ANKRD27: variants seen among roughly 807,000 people sequenced by gnomAD.
ANKRD27 encodes the protein ankyrin repeat domain 27.
A neutral mutation model predicts 129.7 loss-of-function variants in ANKRD27; 112 were observed. That is an observed-to-expected ratio of 0.86 (90% CI 0.74 to 1.01). The LOEUF (loss-of-function observed/expected upper bound fraction) is 1.01. Among genes scored for constraint, ANKRD27 ranks in the 50% least tolerant of loss-of-function variants. The pLI is 0.00. For synonymous variants in ANKRD27, 516 were observed against 511.2 expected, an observed-to-expected ratio of 1.01 and a Z score of -0.13; for missense variants, 1,258 against 1,300.5, an observed-to-expected ratio of 0.97 and a Z score of 0.50.
At chr19:32,660,332 C>A (rs1476508961) in intron 1 of ANKRD27, among the ~76,000 whole-genome samples, 2 of 152,154 alleles carry the variant, frequency 1.3e-5, no homozygotes, top group Admixed American at 1.3e-4. Flanking sequence ...CACCTGAGGT[C>A]AGGAGTTCAA....
At chr19:32,615,167 C>T (rs891328399) in intron 22 of ANKRD27, among the ~76,000 whole-genome samples, 23 of 152,330 alleles carry the variant, frequency 1.5e-4, no homozygotes, top group African/African-American at 4.1e-4. Flanking sequence ...TTACCTGCCA[C>T]GCAGGGAGCT....
chr19:32,628,647 G>A, intron 14 of ANKRD27, 75 bp downstream of exon 14: 1 of 1,583,604 alleles, frequency 6.3e-7, no homozygotes, highest in South Asian at 1.1e-5. Context: ...CAGTCACACA[G>A]CGCACAGTGG....
chr19:32,605,822 A>G lies in ANKRD27; in HGVS notation c.2493+13T>C, dbSNP rs1277925781. ...CGCAGGTGTGTAGAATGAGGACAGG[A>G]AGGGGCCCTCACCTGTAGCAGCAGT... On this transcript the variant is annotated intron_variant, in intron 24 of 28. Transcript: ENST00000306065. 1 of 1,612,106 alleles carries G rather than the reference A, an allele frequency of 6.2e-7. No homozygotes were observed. Among genetic ancestry groups the G allele is most frequent in the African/African-American group, 1.3e-5 (1 of 74,430 alleles).
chr19:32,655,655 A>T (rs1967504294), intron 2 of ANKRD27, among the ~76,000 whole-genome samples: 1 of 151,910 alleles, frequency 6.6e-6, no homozygotes. Context: ...CCAAGGCAGG[A>T]GGATCGCCTG....
At chr19:32,663,504 A>T (rs1354021172) in intron 1 of ANKRD27, among the ~76,000 whole-genome samples, 1 of 152,182 alleles carries the variant, frequency 6.6e-6, no homozygotes, top group East Asian at 1.9e-4. Context: ...ATTTTTGTAC[A>T]TGCTATAAAT....
chr19:32,633,357 G>C (rs57072114), intron 12 of ANKRD27, among the ~76,000 whole-genome samples: 1 of 148,556 alleles, frequency 6.7e-6, no homozygotes, highest in African/African-American at 2.5e-5. Flanking sequence ...TTTTGAGACG[G>C]GGTCTTGCTC....
intron 22 of ANKRD27, among the ~76,000 whole-genome samples, chr19:32,613,445 C>G (rs1217500336): frequency 5.3e-5 from 8 of 152,168 alleles, no homozygotes; most frequent in African/African-American, 1.4e-4. Context: ...GGCACTTATC[C>G]TAGAAAAATG....
chr19:32,662,414 C>T (rs34552729), intron 1 of ANKRD27, among the ~76,000 whole-genome samples: 3,701 of 150,366 alleles, frequency 0.025, 79 homozygotes, highest in East Asian at 0.12. Flanking sequence ...AGAATCGATG[C>T]TGTACAATTT....
chr19:32,639,243 C>T (rs991792346), intron 12 of ANKRD27, 113 bp downstream of exon 12: 5 of 1,308,516 alleles, frequency 3.8e-6, no homozygotes, highest in African/African-American at 1.5e-5. Context: ...CAGCTGAGGC[C>T]CCATTCCTGG....
At chr19:32,605,133 G>A (rs1309030289) in intron 24 of ANKRD27, among the ~76,000 whole-genome samples, 4 of 152,106 alleles carry the variant, frequency 2.6e-5, no homozygotes, top group African/African-American at 9.7e-5. Context: ...CACTTTAGGA[G>A]GCCAGTGCAA....
intron 20 of ANKRD27, among the ~76,000 whole-genome samples, chr19:32,617,929 T>G (rs1327147341): frequency 6.6e-6 from 1 of 152,072 alleles, no homozygotes; most frequent in Non-Finnish European, 1.5e-5. Context: ...TAATTTTTTT[T>G]GTATTTTTAG....
Position 32,639,494 on chromosome 19 carries a change from G to T in ANKRD27, c.984-6C>A. On this transcript the variant is annotated splice_region_variant and splice_polypyrimidine_tract_variant and intron_variant, in intron 11 of 28. Transcript: ENST00000306065. Reference sequence around the variant, plus strand: ...TGTAACTCAAATTTGCCATCCTAATGAAAGGAAGAAAAAAGTTATGTTGTT... The same window carrying T: ...TGTAACTCAAATTTGCCATCCTAATTAAAGGAAGAAAAAAGTTATGTTGTT... 1 of 1,609,182 alleles carries T rather than the reference G, an allele frequency of 6.2e-7. No individual in the cohort carries two copies. Among genetic ancestry groups the T allele is most frequent in the South Asian group, 1.1e-5 (1 of 90,190 alleles).
rs1321735438 is a variant in ANKRD27 at position 32,635,044 on chromosome 19, T to C, written c.1117-3550A>G. Among the ~76,000 whole-genome samples the C allele has an allele frequency of 2.0e-5, 3 of 152,176 alleles. No individual in the cohort carries two copies. The East Asian group carries it at 5.8e-4, about 29-fold the overall frequency. On this transcript the variant is annotated intron_variant, in intron 12 of 28. Coordinates refer to ENST00000306065, the MANE Select transcript of ANKRD27 (RefSeq NM_032139.3). ...AAAGGAGGTGTGAGAAGCCGATGTA[T>C]ACTGTTTGGTCAGCCACCTCCTTAC...
chr19:32,625,048 G>C (rs1342972931), intron 17 of ANKRD27, among the ~76,000 whole-genome samples: 1 of 152,168 alleles, frequency 6.6e-6, no homozygotes, highest in Non-Finnish European at 1.5e-5. Context: ...CTGGGGCCAG[G>C]AGATCCAGAC....
At chr19:32,654,508 A>G (rs1967482328) in intron 2 of ANKRD27, among the ~76,000 whole-genome samples, 1 of 152,196 alleles carries the variant, frequency 6.6e-6, no homozygotes, top group South Asian at 2.1e-4. Context: ...ACATAGGTAG[A>G]GCACAACTGC....
chr19:32,603,403 A>T (rs1193552435), intron 25 of ANKRD27, among the ~76,000 whole-genome samples: 2 of 152,040 alleles, frequency 1.3e-5, no homozygotes, highest in African/African-American at 4.8e-5. Context: ...CAAAAGAAAG[A>T]CTCAGCAGGA....
Position 32,625,956 on chromosome 19 carries a change from A to T in ANKRD27, c.1547T>A (p.Leu516Gln). ...KGYQSVTLLL[L>Q]HYKASAEVQD... ...CACTTCCGCGCTGGCCTTGTAGTGC[A>T]GCAGCAGCAGCTGCGGAGATAAAGG... The change falls in exon 17 of 29, where the codon CTG (leucine) becomes CAG (glutamine). Residue 516 changes from leucine to glutamine, a missense_variant. Transcript: ENST00000306065. The T allele has an allele frequency of 6.3e-7, 1 of 1,590,806 alleles. No individual in the cohort carries two copies. The highest frequency in any genetic ancestry group is 1.1e-5 in the South Asian group (1 of 87,776).
At chr19:32,660,347 A>G (rs762953620) in intron 1 of ANKRD27, among the ~76,000 whole-genome samples, 13 of 152,192 alleles carry the variant, frequency 8.5e-5, no homozygotes, top group Non-Finnish European at 1.6e-4. Context: ...GTTCAAGACC[A>G]GCCTGGTCAA....
intron 10 of ANKRD27, 47 bp from the exon 11 acceptor site, chr19:32,640,432 G>C (rs779255344): frequency 6.6e-7 from 1 of 1,513,560 alleles, no homozygotes; most frequent in East Asian, 2.3e-5. Context: ...GATTCAAATG[G>C]ACTGACAAGC....
Sources: gnomAD v4.1 joint callset for allele counts (sites outside exome capture counted in the v4.1 genomes callset) on GRCh38, gnomAD v4.1.1 for gene constraint, MANE v1.5 for transcripts, NCBI Gene and HGNC (gene_info 2026-07-23, HGNC 2026-07-21) for gene names.